The following WARS2 variants were observed in gnomAD, a reference collection of about 807,000 sequenced individuals.
WARS2 encodes the protein tryptophanyl tRNA synthetase 2, mitochondrial.
A neutral mutation model predicts 36.5 loss-of-function variants in WARS2; 28 were observed. The ratio of observed to expected loss-of-function variants is 0.77; its 90% CI spans 0.57 to 1.05. WARS2 has a LOEUF of 1.05. Ranked by LOEUF, WARS2 falls within the 50% of genes least tolerant of loss-of-function variation. The pLI is 0.00. For missense variants in WARS2, 435 were observed against 456.8 expected, an observed-to-expected ratio of 0.95 and a Z score of 0.44; for synonymous variants, 174 against 178.4, an observed-to-expected ratio of 0.98 and a Z score of 0.20.
intron 1 of WARS2, among the ~76,000 whole-genome samples, chr1:119,132,959 G>A (rs995601556): frequency 6.6e-6 from 1 of 152,092 alleles, no homozygotes; most frequent in Non-Finnish European, 1.5e-5. Flanking sequence ...CCTTCTGACT[G>A]TACTTCTGCC....
intron 1 of WARS2, among the ~76,000 whole-genome samples, chr1:119,125,952 A>T (rs1230818664): frequency 3.9e-5 from 6 of 152,170 alleles, no homozygotes; most frequent in African/African-American, 1.4e-4. Context: ...TGAAATCATA[A>T]ATGTCAATAT....
chr1:119,069,901 C>T (rs2101272137), intron 2 of WARS2, among the ~76,000 whole-genome samples: 1 of 152,252 alleles, frequency 6.6e-6, no homozygotes, highest in South Asian at 2.1e-4. Flanking sequence ...CCACAAGCAT[C>T]TCCAGAAGCA....
chr1:119,128,453 T>C (rs919467642), intron 1 of WARS2, among the ~76,000 whole-genome samples: 65 of 152,112 alleles, frequency 4.3e-4, no homozygotes, highest in Admixed American at 1.6e-3. Flanking sequence ...TCCTTAGATC[T>C]ACACTCTAAT....
chr1:119,124,093 T>C (rs983297365), intron 1 of WARS2, among the ~76,000 whole-genome samples: 5 of 152,242 alleles, frequency 3.3e-5, no homozygotes, highest in African/African-American at 1.2e-4. Flanking sequence ...TGCAAATTCA[T>C]TCTTCCAGTT....
chr1:119,076,271 G>C, intron 2 of WARS2, 79 bp downstream of exon 2: 1 of 1,527,484 alleles, frequency 6.5e-7, no homozygotes, highest in Non-Finnish European at 8.9e-7. Flanking sequence ...ACGAGCAGGG[G>C]CTGTATGAAC....
At chr1:119,070,420 C>A (rs537726202) in intron 2 of WARS2, among the ~76,000 whole-genome samples, 13 of 151,998 alleles carry the variant, frequency 8.6e-5, no homozygotes, top group Middle Eastern at 3.2e-3. Flanking sequence ...CGTGCGACAC[C>A]ACGCCTGGCT....
At chr1:119,050,151 A>G (rs1435148195) in intron 2 of WARS2, among the ~76,000 whole-genome samples, 1 of 152,194 alleles carries the variant, frequency 6.6e-6, no homozygotes, top group African/African-American at 2.4e-5. Flanking sequence ...TTCTCCAGCC[A>G]TGCTGGCCTT....
chr1:119,067,626 G>A (rs781460402), intron 2 of WARS2, among the ~76,000 whole-genome samples: 1 of 152,160 alleles, frequency 6.6e-6, no homozygotes, highest in Non-Finnish European at 1.5e-5. Context: ...TGGGAGCATT[G>A]TATATAGTGG....
chr1:119,042,201 T>G (rs1648427298), intron 4 of WARS2, 63 bp downstream of exon 4: 1 of 1,504,282 alleles, frequency 6.6e-7, no homozygotes. Flanking sequence ...CTGTATTGAA[T>G]AGGTTAAAAC....
chr1:119,107,522 G>A (rs1654323327), intron 1 of WARS2, among the ~76,000 whole-genome samples: 1 of 152,064 alleles, frequency 6.6e-6, no homozygotes, highest in Non-Finnish European at 1.5e-5. Flanking sequence ...ATCATTTGAT[G>A]AAGACTCTCT....
Position 119,121,758 on chromosome 1 carries a change from T to C in WARS2, c.90+18797A>G, listed in dbSNP as rs587636614. ...AAGCTTAATACTTACAGCCAACTGATCTTCAAGAAAGCAAACAAAATCATA... is the reference window on the plus strand; with the variant it reads ...AAGCTTAATACTTACAGCCAACTGACCTTCAAGAAAGCAAACAAAATCATA... On this transcript the variant is annotated intron_variant, in intron 1 of 5. Coordinates refer to ENST00000235521, the MANE Select transcript of WARS2 (RefSeq NM_015836.4). Among the ~76,000 whole-genome samples, 6 of 152,240 alleles carry C rather than the reference T, an allele frequency of 3.9e-5. No individual in the cohort carries two copies. In the South Asian group the frequency reaches 1.2e-3, roughly 32 times the overall value.
chr1:119,052,373 T>C (rs528291728), intron 2 of WARS2, among the ~76,000 whole-genome samples: 194 of 152,350 alleles, frequency 1.3e-3, no homozygotes, highest in South Asian at 0.01. Flanking sequence ...TCTTGGAAAC[T>C]AGCAATTTAT....
intron 1 of WARS2, chr1:119,085,863 T>G: frequency 6.2e-7 from 1 of 1,610,502 alleles, no homozygotes; most frequent in South Asian, 1.1e-5. Context: ...GTCCTTGTAC[T>G]CGGAGTGCCA....
chr1:119,097,099 T>G (rs976615716), intron 1 of WARS2, among the ~76,000 whole-genome samples: 8 of 152,154 alleles, frequency 5.3e-5, no homozygotes, highest in Non-Finnish European at 1.2e-4. Flanking sequence ...ATGTACCAAG[T>G]GGAACAGAGC....
chr1:119,077,197 G>T (rs1456714790), intron 1 of WARS2, among the ~76,000 whole-genome samples: 1 of 150,548 alleles, frequency 6.6e-6, no homozygotes, highest in Non-Finnish European at 1.5e-5. Flanking sequence ...GGAGATAGAG[G>T]GTATTGTTTA....
chr1:119,036,889 T>C (rs1647931367), intron 4 of WARS2, among the ~76,000 whole-genome samples: 1 of 152,214 alleles, frequency 6.6e-6, no homozygotes, highest in Non-Finnish European at 1.5e-5. Flanking sequence ...GTTTCTAGCC[T>C]TCCCTCCCTG....
intron 1 of WARS2, among the ~76,000 whole-genome samples, chr1:119,094,070 A>G (rs987641285): frequency 6.6e-6 from 1 of 152,222 alleles, no homozygotes; most frequent in African/African-American, 2.4e-5. Context: ...CTAAGGGGCT[A>G]TAATCATAGA....
chr1:119,072,016 A>C (rs1485100032), intron 2 of WARS2, among the ~76,000 whole-genome samples: 1 of 152,226 alleles, frequency 6.6e-6, no homozygotes, highest in East Asian at 1.9e-4. Context: ...TTGTATTACA[A>C]AACATAAGTC....
chr1:119,081,284 T>C (rs1571330546), intron 1 of WARS2, among the ~76,000 whole-genome samples: 1 of 152,222 alleles, frequency 6.6e-6, no homozygotes, highest in Non-Finnish European at 1.5e-5. Flanking sequence ...GGCAAAAGAA[T>C]TTTTGTGATT....
Sources: gnomAD v4.1 joint callset for allele counts (sites outside exome capture counted in the v4.1 genomes callset) on GRCh38, gnomAD v4.1.1 for gene constraint, MANE v1.5 for transcripts, NCBI Gene and HGNC (gene_info 2026-07-23, HGNC 2026-07-21) for gene names.